Variants in CES1 observed in about 807,000 individuals in gnomAD.
The protein encoded by CES1 is liver carboxylesterase 1.
A neutral mutation model predicts 53.0 loss-of-function variants in CES1; 50 were observed. The ratio of observed to expected loss-of-function variants is 0.94; its 90% CI spans 0.75 to 1.19. The LOEUF is 1.19. Among genes scored for constraint, CES1 ranks in the 50% most tolerant of loss-of-function variants. The probability of loss-of-function intolerance (pLI) is 0.00; values close to 1 mark genes in which losing one functional copy is unlikely to be tolerated. For synonymous variants in CES1, 202 were observed against 210.1 expected (o/e 0.96, Z 0.33); for missense variants, 534 against 538.0 (o/e 0.99, Z 0.07).
chr16:55,808,343 C>G (rs1311148029), intron 11 of CES1, among the ~76,000 whole-genome samples: 1 of 151,744 alleles, frequency 6.6e-6, no homozygotes. Context: ...AGGAAAGTAG[C>G]GCACAGATTT....
intron 5 of CES1, among the ~76,000 whole-genome samples, 158 bp from the exon 6 acceptor site, chr16:55,820,637 C>A (rs185574998): frequency 9.5e-4 from 145 of 152,238 alleles, no homozygotes; most frequent in Non-Finnish European, 1.5e-3. Flanking sequence ...AGGTGGAAGT[C>A]TTCCTACAGC....
chr16:55,826,436 G>A (rs2032422954), intron 2 of CES1, 141 bp from the exon 3 acceptor site: 1 of 1,064,796 alleles, frequency 9.4e-7, no homozygotes. Context: ...GTGGGTAGGA[G>A]GCTATCAGGG....
chr16:55,823,198 G>T (rs1436539158), intron 4 of CES1, among the ~76,000 whole-genome samples: 1 of 150,958 alleles, frequency 6.6e-6, no homozygotes, highest in Non-Finnish European at 1.5e-5. Flanking sequence ...TCACCTGCTG[G>T]GCTGACTGCT....
At chr16:55,813,784 C>T (rs1250680575) in intron 8 of CES1, among the ~76,000 whole-genome samples, 3 of 152,162 alleles carry the variant, frequency 2.0e-5, no homozygotes, top group East Asian at 3.8e-4. Context: ...CTCTTGGGTT[C>T]GCTCTAAACA....
intron 2 of CES1, 116 bp from the exon 3 acceptor site, chr16:55,826,411 A>C (rs1597088346): frequency 7.7e-7 from 1 of 1,291,448 alleles, no homozygotes; most frequent in Non-Finnish European, 1.1e-6. Context: ...ATAGTTACAG[A>C]CTCACGACAT....
intron 7 of CES1, among the ~76,000 whole-genome samples, chr16:55,818,873 G>A (rs1336110848): frequency 6.6e-6 from 1 of 152,074 alleles, no homozygotes; most frequent in Non-Finnish European, 1.5e-5. Context: ...TGATTTTGGA[G>A]GAATGGGTGA....
Position 55,817,869 on chromosome 16 carries a change from G to A in CES1, c.907-907C>T, listed in dbSNP as rs749097227. Among the ~76,000 whole-genome samples the A allele has an allele frequency of 8.5e-5, 13 of 152,296 alleles. No homozygotes were observed. The South Asian group carries it at 1.9e-3, about 22-fold the overall frequency. ...AGAAAAACTCAAAAGAATGTTCTAG[G>A]ATCTTAGGGATGGGTTTTCCCAAAG... On this transcript the variant is annotated intron_variant, in intron 7 of 13. Coordinates refer to ENST00000360526, the MANE Select transcript of CES1 (RefSeq NM_001025195.2).
Position 55,815,017 on chromosome 16 carries a change from C to T in CES1, c.945+1907G>A, listed in dbSNP as rs1464419001. ...AGGGCAGACTACGTGGAAGAGACGC[C>T]GCCTGCCTGCGGTGGGCTCTGGGCA... On this transcript the variant is annotated intron_variant, in intron 8 of 13. Transcript: ENST00000360526. Among the ~76,000 whole-genome samples the T allele has an allele frequency of 3.9e-5, 6 of 152,228 alleles. 1 individual carries two copies. Among genetic ancestry groups the T allele is most frequent in the African/African-American group, 1.2e-4 (5 of 41,448 alleles).
intron 7 of CES1, among the ~76,000 whole-genome samples, chr16:55,817,230 A>T (rs1488947907): frequency 6.6e-6 from 1 of 152,176 alleles, no homozygotes; most frequent in Non-Finnish European, 1.5e-5. Context: ...ACATAAGTCT[A>T]GAGTGCTGTT....
chr16:55,813,165 C>A, intron 8 of CES1, 122 bp from the exon 9 acceptor site: 1 of 1,371,874 alleles, frequency 7.3e-7, no homozygotes, highest in East Asian at 2.3e-5. Context: ...CATGGCTGCA[C>A]ATGCTCAGGA....
chr16:55,817,037 G>A, intron 7 of CES1, 75 bp from the exon 8 acceptor site: 1 of 1,498,846 alleles, frequency 6.7e-7, no homozygotes, highest in Non-Finnish European at 9.3e-7. Context: ...TGGGGCAACA[G>A]AGGTGTCAGG....
intron 3 of CES1, among the ~76,000 whole-genome samples, chr16:55,825,070 G>A (rs2032363009): frequency 6.6e-6 from 1 of 152,196 alleles, no homozygotes; most frequent in African/African-American, 2.4e-5. Context: ...CAGCCCAGAA[G>A]GCAAGATCCT....
intron 7 of CES1, among the ~76,000 whole-genome samples, chr16:55,817,933 A>T (rs2032016231): frequency 6.6e-6 from 1 of 152,218 alleles, no homozygotes; most frequent in Non-Finnish European, 1.5e-5. Context: ...CTCTGATGCC[A>T]CATGCAGAAT....
At chr16:55,829,790 A>C (rs1343464488) in intron 1 of CES1, among the ~76,000 whole-genome samples, 1 of 152,224 alleles carries the variant, frequency 6.6e-6, no homozygotes, top group Admixed American at 6.5e-5. Flanking sequence ...GATCAGGTCA[A>C]GGAAGATTCT....
At chr16:55,815,638 C>T (rs1225564828) in intron 8 of CES1, among the ~76,000 whole-genome samples, 1 of 152,186 alleles carries the variant, frequency 6.6e-6, no homozygotes. Context: ...GTCAGCTATT[C>T]CTTCAAAGAT....
At chr16:55,824,096 T>C (rs2142344001) in intron 3 of CES1, among the ~76,000 whole-genome samples, 1 of 152,328 alleles carries the variant, frequency 6.6e-6, no homozygotes, top group African/African-American at 2.4e-5. Flanking sequence ...CAGTTAACTA[T>C]CTCTTGGTGA....
intron 1 of CES1, among the ~76,000 whole-genome samples, chr16:55,830,453 A>C (rs751423638): frequency 6.6e-6 from 1 of 152,140 alleles, no homozygotes; most frequent in Admixed American, 6.5e-5. Flanking sequence ...TTATTTTAAA[A>C]TTTTAAATAA....
At chr16:55,823,347 G>A (rs1310598279) in intron 4 of CES1, among the ~76,000 whole-genome samples, 3 of 152,188 alleles carry the variant, frequency 2.0e-5, no homozygotes, top group Admixed American at 2.0e-4. Flanking sequence ...TCCAGGCAGA[G>A]GGAACAGCAC....
At position 55,812,884 on chromosome 16, in the gene CES1, C is replaced by T; in HGVS notation, c.1086+19G>A. The T allele has an allele frequency of 6.2e-7, 1 of 1,613,834 alleles. No homozygotes were observed. The highest frequency in any genetic ancestry group is 8.5e-7 in the Non-Finnish European group (1 of 1,180,012). On this transcript the variant is annotated intron_variant, in intron 9 of 13. Coordinates refer to ENST00000360526, the MANE Select transcript of CES1 (RefSeq NM_001025195.2). ...GATGGGGGTGGTTGAGTCCCTCCAACAGACATGTGCCTTCTCACCATTGGA... is the reference window on the plus strand; with the variant it reads ...GATGGGGGTGGTTGAGTCCCTCCAATAGACATGTGCCTTCTCACCATTGGA...
Sources: allele counts gnomAD v4.1 joint callset (sites outside exome capture counted in the v4.1 genomes callset), GRCh38; gene constraint gnomAD v4.1.1; transcripts MANE v1.5; gene names NCBI Gene and HGNC (gene_info 2026-07-23, HGNC 2026-07-21).